ATP10A: variants seen among roughly 807,000 people sequenced by gnomAD.
ATP10A encodes the protein ATPase phospholipid transporting 10A (putative), also known as phospholipid-transporting ATPase VA.
A neutral mutation model predicts 147.8 loss-of-function variants in ATP10A; 111 were observed. The observed-to-expected ratio is 0.75, with a 90% confidence interval of 0.64 to 0.88. The LOEUF is 0.88. ATP10A is among the 40% of genes least tolerant of loss of function. The pLI is 0.00. For missense variants in ATP10A, 1,927 were observed against 1,959.0 expected (o/e 0.98, Z 0.31); for synonymous variants, 875 against 841.6 (o/e 1.04, Z -0.69).
At chr15:25,761,872 T>A (rs1239547893) in intron 2 of ATP10A, among the ~76,000 whole-genome samples, 1 of 152,186 alleles carries the variant, frequency 6.6e-6, no homozygotes, top group African/African-American at 2.4e-5. Flanking sequence ...AATGCTGGAA[T>A]GAATTAAGAC....
At chr15:25,749,290 C>T (rs1397988097) in intron 2 of ATP10A, among the ~76,000 whole-genome samples, 2 of 152,098 alleles carry the variant, frequency 1.3e-5, no homozygotes, top group African/African-American at 2.4e-5. Context: ...AAGATCTCAA[C>T]ACTGAAAACT....
chr15:25,699,450 T>G (rs1170590353), intron 13 of ATP10A, among the ~76,000 whole-genome samples: 2 of 152,128 alleles, frequency 1.3e-5, no homozygotes, highest in Admixed American at 6.5e-5. Context: ...TGACCCAAAA[T>G]GGACTGTATC....
chr15:25,695,258 A>C (rs1596699400), intron 13 of ATP10A, 112 bp from the exon 14 acceptor site: 1 of 990,366 alleles, frequency 1.0e-6, no homozygotes, highest in Non-Finnish European at 1.5e-6. Context: ...AGGCTGCAGT[A>C]CCCGCCTGCC....
At chr15:25,795,611 A>T (rs1399144291) in intron 1 of ATP10A, among the ~76,000 whole-genome samples, 1 of 152,202 alleles carries the variant, frequency 6.6e-6, no homozygotes, top group African/African-American at 2.4e-5. Context: ...GCTTTCCCAA[A>T]GTGTGCCAGA....
At chr15:25,813,386 C>G (rs1442508551) in intron 1 of ATP10A, among the ~76,000 whole-genome samples, 1 of 152,216 alleles carries the variant, frequency 6.6e-6, no homozygotes, top group Non-Finnish European at 1.5e-5. Flanking sequence ...CAGGGCCCAC[C>G]TGTTCTGAGT....
Position 25,723,971 on chromosome 15 carries a change from CATAAA to C in ATP10A, c.1025_1029del (p.Phe342CysfsTer5). On this transcript the variant is annotated frameshift_variant, in exon 6 of 21. Coordinates refer to ENST00000555815, the MANE Select transcript of ATP10A (RefSeq NM_024490.4). LOFTEE classifies it high-confidence loss of function. The stretch of plus-strand genomic sequence containing the variant: ...AAGGAGCTTCCATCAGACTTGGGGA[CATAAA>C]ATAATGACTTCTTCTCTTGATACCG... 6.2e-7 allele frequency: 1 copy of C among 1,609,214 alleles called. No individual in the cohort carries two copies. The highest frequency in any genetic ancestry group is 8.5e-7 in the Non-Finnish European group (1 of 1,178,200).
chr15:25,742,097 T>C (rs1391965378), intron 2 of ATP10A, among the ~76,000 whole-genome samples: 1 of 152,222 alleles, frequency 6.6e-6, no homozygotes, highest in Non-Finnish European at 1.5e-5. Context: ...AAGTGATAAG[T>C]AGGTTGGCCC....
intron 1 of ATP10A, among the ~76,000 whole-genome samples, chr15:25,795,333 G>T (rs1385961914): frequency 6.6e-6 from 1 of 152,036 alleles, no homozygotes; most frequent in Non-Finnish European, 1.5e-5. Context: ...CGCCAACTTG[G>T]CACCTCCAGT....
At chr15:25,780,147 C>T (rs1299770526) in intron 2 of ATP10A, among the ~76,000 whole-genome samples, 5 of 152,264 alleles carry the variant, frequency 3.3e-5, no homozygotes, top group African/African-American at 1.2e-4. Context: ...GAGCCCACTG[C>T]CCCAGGGAAG....
intron 7 of ATP10A, among the ~76,000 whole-genome samples, chr15:25,720,571 G>A (rs1420467660): frequency 6.6e-6 from 1 of 151,738 alleles, no homozygotes; most frequent in Non-Finnish European, 1.5e-5. Flanking sequence ...GGGAAGGGGA[G>A]GAAGGAGGGA....
chr15:25,736,163 A>T (rs1350788469), intron 2 of ATP10A, 22 bp from the exon 3 acceptor site: 3 of 1,603,218 alleles, frequency 1.9e-6, no homozygotes, highest in Admixed American at 1.7e-5. Flanking sequence ...GCACGTAGAC[A>T]TTAGAGAAAT....
intron 1 of ATP10A, among the ~76,000 whole-genome samples, chr15:25,843,954 G>C (rs1372088178): frequency 6.6e-6 from 1 of 152,136 alleles, no homozygotes; most frequent in Admixed American, 6.5e-5. Flanking sequence ...TAGAGTGCTT[G>C]TCTGAAATGA....
At position 25,787,923 on chromosome 15, in the gene ATP10A, A is replaced by T. The variant is rs1168118825; in HGVS notation, c.450-6700T>A. On this transcript the variant is annotated intron_variant, in intron 1 of 20. Coordinates refer to ENST00000555815, the MANE Select transcript of ATP10A (RefSeq NM_024490.4). ...GGACCATCTGAGGTGTGGCCATAGA[A>T]GGACACTGCCCTCCCCCAGGATCAC... Among the ~76,000 whole-genome samples, 3 of 152,204 alleles carry T rather than the reference A, an allele frequency of 2.0e-5. No individual in the cohort carries two copies. In the East Asian group the frequency reaches 5.8e-4, roughly 30 times the overall value.
chr15:25,731,857 T>C (rs1886955293), intron 3 of ATP10A, among the ~76,000 whole-genome samples: 2 of 152,220 alleles, frequency 1.3e-5, no homozygotes, highest in Non-Finnish European at 2.9e-5. Context: ...CATAGAGTTC[T>C]GTATTTTGTT....
chr15:25,806,739 C>T (rs1054925164), intron 1 of ATP10A, among the ~76,000 whole-genome samples: 3 of 152,198 alleles, frequency 2.0e-5, no homozygotes, highest in African/African-American at 7.2e-5. Flanking sequence ...TTCCGGTCAA[C>T]AGTAAGCTAT....
chr15:25,711,163 C>G (rs760760642), intron 10 of ATP10A, among the ~76,000 whole-genome samples: 8 of 152,088 alleles, frequency 5.3e-5, no homozygotes, highest in Non-Finnish European at 8.8e-5. Context: ...AGCCATGGCC[C>G]CATCCTGCTG....
intron 1 of ATP10A, among the ~76,000 whole-genome samples, chr15:25,794,095 G>GATTATA (rs1299630392): frequency 6.6e-6 from 1 of 152,226 alleles, no homozygotes; most frequent in Non-Finnish European, 1.5e-5. Flanking sequence ...AGGCTTCACT[G>GATTATA]ATTATAAGGT....
chr15:25,703,415 G>A (rs553122042), intron 12 of ATP10A, among the ~76,000 whole-genome samples: 1 of 152,320 alleles, frequency 6.6e-6, no homozygotes, highest in African/African-American at 2.4e-5. Context: ...CATTGTGTGA[G>A]AACACTGCAA....
chr15:25,859,231 C>A (rs1893648325), intron 1 of ATP10A, among the ~76,000 whole-genome samples: 1 of 152,186 alleles, frequency 6.6e-6, no homozygotes, highest in Admixed American at 6.5e-5. Flanking sequence ...GCTCTGCTGC[C>A]CCCTCAGCTC....
Sources: allele counts gnomAD v4.1 joint callset (sites outside exome capture counted in the v4.1 genomes callset), GRCh38; gene constraint gnomAD v4.1.1; transcripts MANE v1.5; gene names NCBI Gene and HGNC (gene_info 2026-07-23, HGNC 2026-07-21).